Variants in CMSS1 observed in about 807,000 individuals in gnomAD.
CMSS1 encodes cms1 ribosomal small subunit homolog, also known as protein CMSS1.
In CMSS1, 33 loss-of-function variants were observed where a neutral mutation model predicts 43.5. The ratio of observed to expected loss-of-function variants is 0.76; its 90% CI spans 0.57 to 1.01. The LOEUF (loss-of-function observed/expected upper bound fraction) is 1.01, where lower values mean the gene tolerates loss of function less well. CMSS1 is among the 50% of genes least tolerant of loss of function. The pLI, the probability that CMSS1 is intolerant of heterozygous loss-of-function variation, is 0.00. For missense variants in CMSS1, 313 were observed against 326.4 expected, an observed-to-expected ratio of 0.96 and a Z score of 0.32; for synonymous variants, 115 against 117.2, an observed-to-expected ratio of 0.98 and a Z score of 0.12.
chr3:100,156,299 C>CTTTTTTTTTTTTTTTTTTTTTT, intron 2 of CMSS1, among the ~76,000 whole-genome samples: 1 of 73,052 alleles, frequency 1.4e-5, no homozygotes, highest in Non-Finnish European at 2.6e-5. Context: ...AATTTTTTTT[C>CTTTTTTTTTTTTTTTTTTTTTT]TTTTTTTTTT....
intron 2 of CMSS1, among the ~76,000 whole-genome samples, chr3:100,151,525 C>T (rs925603253): frequency 6.6e-6 from 1 of 152,160 alleles, no homozygotes; most frequent in Non-Finnish European, 1.5e-5. Context: ...TTGCCTTTCC[C>T]CAGGCCGAGT....
At chr3:99,951,344 C>A (rs553421364) in intron 1 of CMSS1, among the ~76,000 whole-genome samples, 2 of 152,272 alleles carry the variant, frequency 1.3e-5, no homozygotes, top group East Asian at 3.9e-4. Flanking sequence ...TTCAACCTCC[C>A]CCACTGAACC....
intron 1 of CMSS1, among the ~76,000 whole-genome samples, chr3:99,927,447 G>A (rs763208562): frequency 1.3e-5 from 2 of 150,626 alleles, no homozygotes; most frequent in Admixed American, 1.3e-4. Flanking sequence ...TCAGCTCATC[G>A]CGATCTCCGC....
chr3:100,054,806 C>T (rs536318578), intron 1 of CMSS1, among the ~76,000 whole-genome samples: 3 of 152,256 alleles, frequency 2.0e-5, no homozygotes, highest in East Asian at 3.9e-4. Context: ...AACCTTGCCC[C>T]CTCTCTCTCA....
intron 1 of CMSS1, among the ~76,000 whole-genome samples, chr3:100,079,923 T>C (rs1295858358): frequency 6.6e-6 from 1 of 152,116 alleles, no homozygotes; most frequent in East Asian, 1.9e-4. Context: ...AAATAATGCA[T>C]ATATGGGTAA....
At chr3:100,034,176 TC>T (rs997775592) in intron 1 of CMSS1, among the ~76,000 whole-genome samples, 3 of 152,194 alleles carry the variant, frequency 2.0e-5, no homozygotes, top group Non-Finnish European at 2.9e-5. Flanking sequence ...TGGGGAAAGT[TC>T]CTGATCTCTG....
chr3:99,923,657 C>T (rs1466439606), intron 1 of CMSS1, among the ~76,000 whole-genome samples: 1 of 152,184 alleles, frequency 6.6e-6, no homozygotes, highest in Non-Finnish European at 1.5e-5. Context: ...TTCCTGCGCC[C>T]AGTCTAAAGC....
intron 1 of CMSS1, among the ~76,000 whole-genome samples, chr3:99,994,513 A>C (rs544982886): frequency 6.6e-6 from 1 of 152,352 alleles, no homozygotes; most frequent in South Asian, 2.1e-4. Flanking sequence ...AATTTTTAAA[A>C]ATCAAAATCA....
At chr3:100,034,234 G>A (rs2065069270) in intron 1 of CMSS1, among the ~76,000 whole-genome samples, 1 of 152,132 alleles carries the variant, frequency 6.6e-6, no homozygotes, top group Non-Finnish European at 1.5e-5. Flanking sequence ...AGTATATCCA[G>A]GAACTCAGAA....
chr3:100,067,153 A>G (rs1451934854), intron 1 of CMSS1, among the ~76,000 whole-genome samples: 1 of 149,676 alleles, frequency 6.7e-6, no homozygotes, highest in East Asian at 2.0e-4. Flanking sequence ...AGCCCTGGCT[A>G]TGTTTTTGAT....
chr3:99,845,922 A>G (rs1482105897), intron 1 of CMSS1, among the ~76,000 whole-genome samples: 1 of 152,258 alleles, frequency 6.6e-6, no homozygotes, highest in Non-Finnish European at 1.5e-5. Context: ...TGTTAGATTA[A>G]CTACTTAGGA....
intron 1 of CMSS1, chr3:99,847,937 C>A: frequency 1.0e-6 from 1 of 998,094 alleles, no homozygotes; most frequent in African/African-American, 1.7e-5. Flanking sequence ...GTAAAAATAA[C>A]AAATTATTTA....
chr3:99,880,872 C>G (rs1386440619), intron 1 of CMSS1, among the ~76,000 whole-genome samples: 1 of 152,000 alleles, frequency 6.6e-6, no homozygotes, highest in Non-Finnish European at 1.5e-5. Flanking sequence ...TGGATGGACC[C>G]TGTATGTGTA....
At chr3:100,111,932 A>G (rs1039631764) in intron 1 of CMSS1, among the ~76,000 whole-genome samples, 2 of 152,232 alleles carry the variant, frequency 1.3e-5, no homozygotes, top group African/African-American at 2.4e-5. Context: ...GATTCAAATC[A>G]CTAGTAATCA....
intron 1 of CMSS1, among the ~76,000 whole-genome samples, chr3:99,911,408 C>T (rs911515845): frequency 6.6e-6 from 1 of 151,578 alleles, no homozygotes; most frequent in Non-Finnish European, 1.5e-5. Context: ...ACACACTTAA[C>T]ACAAGGCCTG....
At chr3:99,949,464 A>T (rs1013347854) in intron 1 of CMSS1, among the ~76,000 whole-genome samples, 1 of 152,218 alleles carries the variant, frequency 6.6e-6, no homozygotes, top group African/African-American at 2.4e-5. Flanking sequence ...GGAATGCATA[A>T]CTGTCTGTGC....
chr3:99,947,471 T>C (rs1266188411), intron 1 of CMSS1, among the ~76,000 whole-genome samples: 1 of 152,166 alleles, frequency 6.6e-6, no homozygotes, highest in Non-Finnish European at 1.5e-5. Flanking sequence ...CCCACCCCCT[T>C]CACCTTAGTG....
intron 2 of CMSS1, among the ~76,000 whole-genome samples, chr3:100,148,376 G>A (rs987173908): frequency 2.6e-5 from 4 of 152,142 alleles, no homozygotes; most frequent in African/African-American, 7.2e-5. Flanking sequence ...CGCAGTGCCT[G>A]GCTTATGTGT....
chr3:99,949,531 G>A (rs1228637077), intron 1 of CMSS1, among the ~76,000 whole-genome samples: 1 of 152,128 alleles, frequency 6.6e-6, no homozygotes, highest in East Asian at 1.9e-4. Context: ...CGTTTTATCA[G>A]TTGAAAGAAG....
Sources: gnomAD v4.1 joint callset for allele counts (sites outside exome capture counted in the v4.1 genomes callset) on GRCh38, gnomAD v4.1.1 for gene constraint, MANE v1.5 for transcripts, NCBI Gene and HGNC (gene_info 2026-07-23, HGNC 2026-07-21) for gene names.